Variants in LTBP2 observed in about 807,000 individuals in gnomAD.
The protein encoded by LTBP2 is latent-transforming growth factor beta-binding protein 2.
A neutral mutation model predicts 210.6 loss-of-function variants in LTBP2; 103 were observed. That is an observed-to-expected ratio of 0.49 (90% confidence interval 0.42 to 0.58). LTBP2 has a LOEUF of 0.58. Among genes scored for constraint, LTBP2 ranks in the 20% least tolerant of loss-of-function variants. LTBP2 has a pLI of 0.00. For missense variants in LTBP2, 2,313 were observed against 2,494.5 expected, an observed-to-expected ratio of 0.93 and a Z score of 1.55; for synonymous variants, 1,007 against 1,015.0, an observed-to-expected ratio of 0.99 and a Z score of 0.15.
rs774916663 is a variant in LTBP2 at position 74,509,697 on chromosome 14, A to C, written c.3277+37T>G. ...TTCTTTGGGAGGTAAGACAGCCTATATTCTGTCCCCTTCCACCACTGCCTC... is the reference window on the plus strand; with the variant it reads ...TTCTTTGGGAGGTAAGACAGCCTATCTTCTGTCCCCTTCCACCACTGCCTC... On this transcript the variant is annotated intron_variant, in intron 21 of 35. Coordinates refer to ENST00000261978, the MANE Select transcript of LTBP2 (RefSeq NM_000428.3). The C allele has an allele frequency of 5.6e-6, 9 of 1,613,606 alleles. No individual in the cohort carries two copies. The African/African-American group carries it at 1.1e-4, about 19-fold the overall frequency.
In LTBP2 at chr14:74,552,254, G is replaced by T. The variant is rs746316700; in HGVS notation, c.1332C>A (p.Arg444=). The T allele has an allele frequency of 6.2e-6, 10 of 1,613,056 alleles. No homozygotes were observed. The South Asian group carries it at 8.8e-5, about 14-fold the overall frequency. The change falls in exon 6 of 36, where the codon CGC becomes CGA. Residue 444 remains arginine, a synonymous_variant. Coordinates refer to ENST00000261978, the MANE Select transcript of LTBP2 (RefSeq NM_000428.3). Reference sequence around the variant, plus strand: ...GTGGGGCTTCCAGCAAGGCCCTGGGGCGGGACCCCCTCCCTGGAGGCTCCC... The same window carrying T: ...GTGGGGCTTCCAGCAAGGCCCTGGGTCGGGACCCCCTCCCTGGAGGCTCCC... ...PDREPPGRGS[R]PRALLEAPLK...
At chr14:74,592,187 G>A (rs191478855) in intron 2 of LTBP2, among the ~76,000 whole-genome samples, 2 of 152,254 alleles carry the variant, frequency 1.3e-5, no homozygotes, top group Non-Finnish European at 1.5e-5. Context: ...AAAGGAAATC[G>A]GCCATCTCAG....
chr14:74,504,202 T>C (rs2086953143), intron 30 of LTBP2, 148 bp from the exon 31 acceptor site: 2 of 907,068 alleles, frequency 2.2e-6, no homozygotes, highest in Admixed American at 2.0e-5. Context: ...TCGCCTTGCC[T>C]CCGGTTCCTA....
At chr14:74,567,165 C>A (rs571160469) in intron 3 of LTBP2, among the ~76,000 whole-genome samples, 1 of 152,180 alleles carries the variant, frequency 6.6e-6, no homozygotes, top group Non-Finnish European at 1.5e-5. Context: ...CCCTTGCCTG[C>A]AGCCCGGTCC....
intron 5 of LTBP2, 94 bp from the exon 6 acceptor site, chr14:74,552,487 C>G (rs2087674457): frequency 8.3e-7 from 1 of 1,207,600 alleles, no homozygotes; most frequent in African/African-American, 1.5e-5. Context: ...GCGGCAGAAC[C>G]CTGACCCTAG....
intron 2 of LTBP2, among the ~76,000 whole-genome samples, chr14:74,595,124 C>T (rs1167952302): frequency 2.0e-5 from 3 of 152,254 alleles, no homozygotes; most frequent in Non-Finnish European, 2.9e-5. Flanking sequence ...TCTGGCAGAC[C>T]AAGCGGGCCT....
At chr14:74,583,095 C>T (rs758631576) in intron 3 of LTBP2, among the ~76,000 whole-genome samples, 1 of 152,158 alleles carries the variant, frequency 6.6e-6, no homozygotes, top group African/African-American at 2.4e-5. Flanking sequence ...TGTAGGGCAC[C>T]CTGCCTGCTG....
intron 3 of LTBP2, among the ~76,000 whole-genome samples, chr14:74,562,207 T>A (rs1333098973): frequency 6.7e-6 from 1 of 148,458 alleles, no homozygotes; most frequent in Admixed American, 6.7e-5. Context: ...TGAGACTCCG[T>A]CTCAGAAAAA....
At chr14:74,532,091 A>G (rs1173981786) in intron 10 of LTBP2, among the ~76,000 whole-genome samples, 1 of 151,470 alleles carries the variant, frequency 6.6e-6, no homozygotes, top group African/African-American at 2.4e-5. Flanking sequence ...CACCCCCACC[A>G]CCTCCCGCCA....
At chr14:74,573,243 C>T (rs369824531) in intron 3 of LTBP2, among the ~76,000 whole-genome samples, 15 of 152,218 alleles carry the variant, frequency 9.9e-5, no homozygotes, top group African/African-American at 3.1e-4. Context: ...AGGCTGGAAT[C>T]GCCCTTACCC....
chr14:74,611,044 C>T (rs994857189), intron 1 of LTBP2, among the ~76,000 whole-genome samples: 15 of 152,228 alleles, frequency 9.9e-5, no homozygotes, highest in African/African-American at 3.6e-4. Context: ...CGCTCTGAGC[C>T]AGCTCAACCT....
intron 4 of LTBP2, among the ~76,000 whole-genome samples, chr14:74,553,915 C>A (rs1024625078): frequency 8.1e-6 from 1 of 123,110 alleles, no homozygotes; most frequent in African/African-American, 3.2e-5. Flanking sequence ...AGGAAGAAAG[C>A]GGAGAAACGT....
chr14:74,503,053 C>T (rs1233624551), intron 33 of LTBP2, 119 bp from the exon 34 acceptor site: 7 of 1,446,730 alleles, frequency 4.8e-6, no homozygotes, highest in Non-Finnish European at 5.7e-6. Flanking sequence ...TGGCAACATT[C>T]CTCTCCCCAC....
chr14:74,600,515 G>A (rs2088431632), intron 2 of LTBP2, among the ~76,000 whole-genome samples: 1 of 152,114 alleles, frequency 6.6e-6, no homozygotes, highest in South Asian at 2.1e-4. Context: ...TGAGTTTCTA[G>A]GGTTGAAACT....
rs2086979183 is a variant in LTBP2, at chr14:74,506,057, C to T, written c.4168G>A (p.Gly1390Arg). 1 of 1,614,150 alleles carries T rather than the reference C, an allele frequency of 6.2e-7. No individual in the cohort carries two copies. The highest frequency in any genetic ancestry group is 1.3e-5 in the African/African-American group (1 of 75,056). Residue 1390 changes from glycine (G) to arginine (R), a missense_variant, in exon 28 of 36, where the codon GGG becomes AGG. Physicochemically the swap from Gly to Arg is moderately radical, Grantham distance 125. Around this residue, in one of 3 missense-constraint regions of LTBP2, gnomAD observed 1,867 missense variants for 1,976.9 expected, o/e 0.94. Transcript: ENST00000261978. ...DAQEGHCRPR[G>R]AGGQSMSEAP... ...GTCTCCCAGGCCTCACCTCCAGCCC[C>T]CCGTGGGCGGCAGTGCCCCTCCTGG...
rs111988741 is a variant in LTBP2 at position 74,506,880 on chromosome 14, C to CGT, written c.3908-58_3908-57insAC. The CGT allele has an allele frequency of 0.18, 276,516 of 1,512,906 alleles. 16,819 individuals are homozygous for CGT. Among genetic ancestry groups the CGT allele is most frequent in the Admixed American group, 0.28 (15,852 of 55,974 alleles). 93.7% of individuals were successfully genotyped at this position (1,512,906 alleles called of 1,614,324 possible). On this transcript the variant is annotated intron_variant, in intron 26 of 35. Transcript: ENST00000261978. ...GTGTGTGTGTGTGTGTGTGTGTGTG[C>CGT]GCGCGCGCGTGTGTGCTCACTCTCT...
rs2088212620 is a variant in LTBP2 at position 74,586,861 on chromosome 14, T to C, written c.566-743A>G. The stretch of plus-strand genomic sequence containing the variant: ...ATATAGCTGCCGGCACCACAGCCGC[T>C]GCCGGCCAGGTAAGTGCCCCGCTCT... On this transcript the variant is annotated intron_variant, in intron 2 of 35. Transcript: ENST00000261978. The surrounding 1 kb of genome is among the most constrained non-coding windows in gnomAD (Gnocchi z 4.6). 6.6e-6 allele frequency among the ~76,000 whole-genome samples: 1 copy of C among 152,184 alleles called. No individual in the cohort carries two copies. Among genetic ancestry groups the C allele is most frequent in the African/African-American group, 2.4e-5 (1 of 41,436 alleles).
chr14:74,536,412 T>C (rs1026125896), intron 8 of LTBP2, among the ~76,000 whole-genome samples: 1 of 152,238 alleles, frequency 6.6e-6, no homozygotes, highest in Non-Finnish European at 1.5e-5. Flanking sequence ...ATAGTGACTA[T>C]GGTTAATAAC....
rs1408892743 is a variant in LTBP2 at position 74,503,485 on chromosome 14, G to A, written c.4704C>T (p.Asn1568=). Residue 1568 remains asparagine (N), a synonymous_variant, in exon 32 of 36, where the codon AAC becomes AAT. Coordinates refer to ENST00000261978, the MANE Select transcript of LTBP2 (RefSeq NM_000428.3). ...TLDLSQQRCM[N]STSSTEDLPD... ...CCCACTCACCCGTGCTGCTGGTGCT[G>A]TTCATGCAGCGCTGCTGGCTGAGGT... 2 of 1,612,058 alleles carry A rather than the reference G, an allele frequency of 1.2e-6. No homozygotes were observed. The highest frequency in any genetic ancestry group is 2.2e-5 in the East Asian group (1 of 44,828).
Sources: gnomAD v4.1 joint callset for allele counts (sites outside exome capture counted in the v4.1 genomes callset) on GRCh38, gnomAD v4.1.1 for gene constraint, gnomAD v4.1.1 regional missense constraint, Gnocchi (gnomAD v3.1) non-coding constraint, MANE v1.5 for transcripts, NCBI Gene and HGNC (gene_info 2026-07-23, HGNC 2026-07-21) for gene names.